The following NAA16 variants were observed in gnomAD, a reference collection of about 807,000 sequenced individuals.
NAA16 encodes NARG1-like protein.
A neutral mutation model predicts 110.3 loss-of-function variants in NAA16; 97 were observed. That is an observed-to-expected ratio of 0.88 (90% confidence interval 0.75 to 1.04). NAA16 has a LOEUF of 1.04. NAA16 is among the 50% of genes least tolerant of loss of function. NAA16 has a pLI of 0.00. For synonymous variants in NAA16, 372 were observed against 330.6 expected (o/e 1.13, Z -1.36); for missense variants, 1,017 against 1,005.1 (o/e 1.01, Z -0.16).
At chr13:41,352,411 T>C (rs1446523216) in intron 9 of NAA16, among the ~76,000 whole-genome samples, 5 of 152,078 alleles carry the variant, frequency 3.3e-5, no homozygotes, top group Non-Finnish European at 7.3e-5. Context: ...TCTCAGCACT[T>C]TGGGAGGCCT....
At chr13:41,368,608 A>G (rs10161672) in intron 14 of NAA16, among the ~76,000 whole-genome samples, 5,708 of 152,294 alleles carry the variant, frequency 0.037, 332 homozygotes, top group African/African-American at 0.13. Context: ...AAAAAAAAGT[A>G]TACAGCTGGC....
intron 13 of NAA16, 140 bp from the exon 14 acceptor site, chr13:41,367,299 T>A (rs2043225064): frequency 1.7e-6 from 1 of 575,764 alleles, no homozygotes. Context: ...TCCTTTATAG[T>A]GTAAAACATT....
intron 13 of NAA16, among the ~76,000 whole-genome samples, chr13:41,364,380 A>G (rs1368899487): frequency 6.6e-6 from 1 of 152,010 alleles, no homozygotes; most frequent in East Asian, 1.9e-4. Context: ...CTAGTGTAGT[A>G]TCTTTTCTGT....
At chr13:41,313,165 C>T (rs901079583) in intron 1 of NAA16, among the ~76,000 whole-genome samples, 11 of 151,928 alleles carry the variant, frequency 7.2e-5, no homozygotes, top group African/African-American at 2.7e-4. Flanking sequence ...CATTATTATT[C>T]TTAAATTACA....
In NAA16 at chr13:41,358,424, G is replaced by C; in HGVS notation, c.1208G>C (p.Ser403Thr). The C allele has an allele frequency of 6.2e-7, 1 of 1,613,206 alleles. No individual in the cohort carries two copies. The highest frequency in any genetic ancestry group is 8.5e-7 in the Non-Finnish European group (1 of 1,179,260). The change falls in exon 11 of 20, where the codon AGT (serine) becomes ACT (threonine). Residue 403 changes from serine to threonine, a missense_variant. Coordinates refer to ENST00000379406, the MANE Select transcript of NAA16 (RefSeq NM_024561.5). ...ALDYINAAIA[S>T]TPTLIELFYM... The stretch of plus-strand genomic sequence containing the variant: ...GATTATATTAATGCTGCAATTGCTA[G>C]TACTCCAACTCTAATAGAATTATTC...
intron 1 of NAA16, among the ~76,000 whole-genome samples, chr13:41,312,267 T>C (rs1232257018): frequency 3.9e-5 from 6 of 152,208 alleles, no homozygotes; most frequent in Non-Finnish European, 8.8e-5. Context: ...CAGGCCTTGC[T>C]TGAGTAATTA....
chr13:41,341,703 T>C (rs763858049), intron 9 of NAA16, among the ~76,000 whole-genome samples: 2 of 152,198 alleles, frequency 1.3e-5, no homozygotes, highest in Non-Finnish European at 2.9e-5. Flanking sequence ...TGCCACAGAC[T>C]TGAGACCCTA....
intron 13 of NAA16, among the ~76,000 whole-genome samples, chr13:41,365,552 T>G (rs780164652): frequency 1.3e-5 from 2 of 152,232 alleles, no homozygotes; most frequent in Admixed American, 6.5e-5. Context: ...AGCTGCAGTA[T>G]CCCACTTGTT....
At position 41,372,245 on chromosome 13, in the gene NAA16, C is replaced by T; in HGVS notation, c.1990C>T (p.Leu664Phe). ...GGAAGCCGTTAAGTTCCTTATACCT[C>T]TTAAGAACCTTGTTGCTGATAACAT... ...LEEAVKFLIP[L>F]KNLVADNIDT... Residue 664 changes from leucine (L) to phenylalanine (F), a missense_variant, in exon 16 of 20, where the codon CTT becomes TTT. Leu to Phe is a conservative substitution (Grantham distance 22). Transcript: ENST00000379406. 1.2e-6 allele frequency: 2 copies of T among 1,604,524 alleles called. No homozygotes were observed. The highest frequency in any genetic ancestry group is 1.7e-6 in the Non-Finnish European group (2 of 1,176,104).
intron 9 of NAA16, among the ~76,000 whole-genome samples, chr13:41,351,204 A>G (rs1423978407): frequency 1.3e-5 from 2 of 152,228 alleles, no homozygotes; most frequent in Non-Finnish European, 2.9e-5. Flanking sequence ...TTTTAATTAA[A>G]TAATAAAGTT....
In NAA16 at chr13:41,323,101, T is replaced by C; in HGVS notation, c.448T>C (p.Ser150Pro). The change falls in exon 5 of 20, where the codon TCC becomes CCC. Residue 150 changes from serine to proline, a missense_variant. Transcript: ENST00000379406. ...TCAGTTGCGCCCCACACAGCGTGCC[T>C]CCTGGATTGGATATGCTATTGCATA... is the stretch of plus-strand genomic sequence containing the variant. ...LLQLRPTQRASWIGYAIAYHL... is the reference protein window; with the variant it reads ...LLQLRPTQRAPWIGYAIAYHL... 6.2e-7 allele frequency: 1 copy of C among 1,614,094 alleles called. No homozygotes were observed. The highest frequency in any genetic ancestry group is 8.5e-7 in the Non-Finnish European group (1 of 1,179,992).
chr13:41,334,516 C>T (rs2139424398), intron 8 of NAA16, among the ~76,000 whole-genome samples: 1 of 152,232 alleles, frequency 6.6e-6, no homozygotes, highest in Non-Finnish European at 1.5e-5. Flanking sequence ...TTTAGGAATT[C>T]ATGTAAATAT....
At chr13:41,323,705 G>A (rs772915191) in intron 5 of NAA16, among the ~76,000 whole-genome samples, 3 of 150,750 alleles carry the variant, frequency 2.0e-5, no homozygotes, top group East Asian at 1.9e-4. Context: ...GGCTGGTCTC[G>A]AACTCCTGGG....
chr13:41,362,000 C>T (rs1593517082), intron 12 of NAA16, 31 bp from the exon 13 acceptor site: 3 of 1,599,316 alleles, frequency 1.9e-6, no homozygotes, highest in Non-Finnish European at 2.6e-6. Context: ...TCATTGTTTG[C>T]TCTCTATAGT....
chr13:41,350,952 G>A (rs1011846902), intron 9 of NAA16, among the ~76,000 whole-genome samples: 44 of 152,172 alleles, frequency 2.9e-4, no homozygotes, highest in African/African-American at 1.0e-3. Context: ...AAGGCTCTAA[G>A]AAGAGGTGTA....
At chr13:41,340,928 A>G (rs9590588) in intron 9 of NAA16, among the ~76,000 whole-genome samples, 11,782 of 151,896 alleles carry the variant, frequency 0.078, 547 homozygotes, top group East Asian at 0.2. Context: ...CGGCCTCCCA[A>G]AGTGCTGGGA....
chr13:41,333,899 C>T (rs1253548307), intron 8 of NAA16, among the ~76,000 whole-genome samples: 1 of 151,728 alleles, frequency 6.6e-6, no homozygotes. Flanking sequence ...CCTAGACTCT[C>T]TAGGACATGC....
chr13:41,316,874 A>G lies in NAA16; in HGVS notation c.83A>G (p.Asn28Ser), dbSNP rs1188825885. Residue 28 changes from asparagine (N) to serine (S), a missense_variant, in exon 2 of 20, where the codon AAT becomes AGT. Physicochemically the swap from Asn to Ser is conservative, Grantham distance 46. Coordinates refer to ENST00000379406, the MANE Select transcript of NAA16 (RefSeq NM_024561.5). Reference sequence around the variant, plus strand: ...TGTTATGAACAGAAGCAGTACAAAAATGGCCTCAAGTTTTGCAAGATGATT... The same window carrying G: ...TGTTATGAACAGAAGCAGTACAAAAGTGGCCTCAAGTTTTGCAAGATGATT... ...LKCYEQKQYK[N>S]GLKFCKMILS... 3.1e-6 allele frequency: 5 copies of G among 1,613,522 alleles called. No individual in the cohort carries two copies. Among genetic ancestry groups the G allele is most frequent in the Non-Finnish European group, 4.2e-6 (5 of 1,179,662 alleles).
chr13:41,366,098 GTTAATA>G (rs1479610288), intron 13 of NAA16, among the ~76,000 whole-genome samples: 1 of 152,020 alleles, frequency 6.6e-6, no homozygotes, highest in African/African-American at 2.4e-5. Context: ...AAAAGTTCAT[GTTAATA>G]TTTACGATTT....
Sources: allele counts gnomAD v4.1 joint callset (sites outside exome capture counted in the v4.1 genomes callset), GRCh38; gene constraint gnomAD v4.1.1; transcripts MANE v1.5; gene names NCBI Gene and HGNC (gene_info 2026-07-23, HGNC 2026-07-21).